PRKD1: variants seen among roughly 807,000 people sequenced by gnomAD.
PRKD1 encodes serine/threonine-protein kinase D1.
Under a neutral mutation model 95.9 loss-of-function variants are expected in PRKD1, and 63 were observed. That is an observed-to-expected ratio of 0.66 (90% CI 0.54 to 0.81). The LOEUF (loss-of-function observed/expected upper bound fraction) is 0.81, where lower values mean the gene tolerates loss of function less well. Ranked by LOEUF, PRKD1 falls within the 30% of genes least tolerant of loss-of-function variation. The probability of loss-of-function intolerance (pLI) is 0.00; values close to 1 mark genes in which losing one functional copy is unlikely to be tolerated. For missense variants in PRKD1, 1,048 were observed against 1,165.3 expected, an observed-to-expected ratio of 0.90 and a Z score of 1.47; for synonymous variants, 425 against 423.1, an observed-to-expected ratio of 1.00 and a Z score of -0.05.
chr14:29,669,271 A>T (rs977590976), intron 2 of PRKD1, among the ~76,000 whole-genome samples: 1 of 152,204 alleles, frequency 6.6e-6, no homozygotes, highest in East Asian at 1.9e-4. Flanking sequence ...CAAACAAATT[A>T]AGGAAAAGTC....
chr14:29,662,849 T>C (rs569875890), intron 4 of PRKD1, among the ~76,000 whole-genome samples: 257 of 151,862 alleles, frequency 1.7e-3, no homozygotes, highest in African/African-American at 5.8e-3. Flanking sequence ...TAAAGCATCA[T>C]TGTAATATCC....
intron 2 of PRKD1, among the ~76,000 whole-genome samples, chr14:29,691,933 A>G (rs1884261111): frequency 6.6e-6 from 1 of 152,192 alleles, no homozygotes; most frequent in South Asian, 2.1e-4. Context: ...CCCTCCCACC[A>G]ACTACTTTAG....
intron 1 of PRKD1, among the ~76,000 whole-genome samples, chr14:29,869,999 T>C (rs1048785620): frequency 1.3e-5 from 2 of 152,180 alleles, no homozygotes; most frequent in African/African-American, 4.8e-5. Flanking sequence ...TCCTTCAATA[T>C]GGTTAACTTA....
intron 1 of PRKD1, among the ~76,000 whole-genome samples, chr14:29,882,911 A>G (rs576748064): frequency 1.3e-5 from 2 of 152,266 alleles, no homozygotes; most frequent in South Asian, 4.1e-4. Flanking sequence ...CCATTCGTCC[A>G]TCAATGGAAC....
chr14:29,736,276 T>G lies in PRKD1; in HGVS notation c.265-10602A>C, dbSNP rs752645110. Among the ~76,000 whole-genome samples, 51 of 152,294 alleles carry G rather than the reference T, an allele frequency of 3.3e-4. 1 individual carries two copies. Among genetic ancestry groups the G allele is most frequent in the Middle Eastern group, 6.8e-3 (2 of 294 alleles). On this transcript the variant is annotated intron_variant, in intron 1 of 17. Transcript: ENST00000331968. ...TGGTCTTCAACTGCTAAGAGAAAAA[T>G]CCGTTTTATTGAACATAACATTCTG...
Position 29,689,070 on chromosome 14 carries a change from A to C in PRKD1, c.404-22862T>G, listed in dbSNP as rs145486185. On this transcript the variant is annotated intron_variant, in intron 2 of 17. Transcript: ENST00000331968. Reference sequence around the variant, plus strand: ...AGGCACAGGCAAAGATTTTACAATGAAAATGCCAAAAGCAATTGCAACAAA... The same window carrying C: ...AGGCACAGGCAAAGATTTTACAATGCAAATGCCAAAAGCAATTGCAACAAA... 5.9e-5 allele frequency among the ~76,000 whole-genome samples: 9 copies of C among 152,124 alleles called. No homozygotes were observed. The East Asian group carries it at 1.7e-3, about 29-fold the overall frequency.
At chr14:29,860,415 C>G (rs1892667495) in intron 1 of PRKD1, among the ~76,000 whole-genome samples, 1 of 152,112 alleles carries the variant, frequency 6.6e-6, no homozygotes, top group Non-Finnish European at 1.5e-5. Flanking sequence ...TGATATATCT[C>G]CTAATGGTAA....
chr14:29,839,617 C>T (rs566278150), intron 1 of PRKD1, among the ~76,000 whole-genome samples: 4 of 152,202 alleles, frequency 2.6e-5, no homozygotes, highest in Non-Finnish European at 5.9e-5. Context: ...CCATACAGCA[C>T]TAGCAGAGGT....
intron 2 of PRKD1, among the ~76,000 whole-genome samples, chr14:29,721,399 T>C (rs1376375586): frequency 7.2e-5 from 11 of 152,256 alleles, no homozygotes; most frequent in Admixed American, 1.3e-4. Context: ...TGAGGAATTC[T>C]TGTAGTCCTT....
chr14:29,896,579 C>T (rs1032815518), intron 1 of PRKD1, among the ~76,000 whole-genome samples: 1 of 152,002 alleles, frequency 6.6e-6, no homozygotes, highest in African/African-American at 2.4e-5. Context: ...TAAAGCTGGG[C>T]AAACACAATT....
At chr14:29,890,938 A>G (rs1387163000) in intron 1 of PRKD1, among the ~76,000 whole-genome samples, 2 of 151,914 alleles carry the variant, frequency 1.3e-5, no homozygotes, top group African/African-American at 4.8e-5. Context: ...TCTATCACCA[A>G]GGTCACAGTT....
In PRKD1 at chr14:29,577,427, C is replaced by T. The variant is rs1451931395; in HGVS notation, c.2550G>A (p.Glu850=). 4 of 1,613,770 alleles carry T rather than the reference C, an allele frequency of 2.5e-6. No homozygotes were observed. The highest frequency in any genetic ancestry group is 2.2e-5 in the South Asian group (2 of 91,078). Residue 850 remains glutamate (E), a synonymous_variant, in exon 18 of 18, where the codon GAG becomes GAA. Transcript: ENST00000331968. ...QDYQTWLDLR[E]LECKIGERYI... is the part of the protein sequence containing the mutation. ...AGCGCTCCCCGATTTTGCATTCCAG[C>T]TCTCGCAAATCTAACCAGGTCTGAT...
At position 29,783,527 on chromosome 14, in the gene PRKD1, G is replaced by A. The variant is rs1889139938; in HGVS notation, c.265-57853C>T. ...TACATACCCAGTAGTGGGATTGCTG[G>A]ATTATATATATATGGTGGTTCCATT... On this transcript the variant is annotated intron_variant, in intron 1 of 17. Transcript: ENST00000331968. 2.0e-5 allele frequency among the ~76,000 whole-genome samples: 3 copies of A among 152,248 alleles called. No homozygotes were observed. The South Asian group carries it at 6.2e-4, about 32-fold the overall frequency.
At chr14:29,647,387 C>T (rs1881193392) in intron 4 of PRKD1, among the ~76,000 whole-genome samples, 1 of 152,162 alleles carries the variant, frequency 6.6e-6, no homozygotes, top group African/African-American at 2.4e-5. Context: ...AAAATTGTTG[C>T]AAATTACATG....
intron 4 of PRKD1, chr14:29,652,816 C>G (rs1315225620): frequency 6.6e-6 from 1 of 152,148 alleles, no homozygotes; most frequent in Non-Finnish European, 1.5e-5. Flanking sequence ...TAGACTTTTG[C>G]TGCATTGAAA....
intron 2 of PRKD1, among the ~76,000 whole-genome samples, chr14:29,695,373 T>C (rs897012340): frequency 5.3e-5 from 8 of 152,072 alleles, no homozygotes; most frequent in African/African-American, 1.9e-4. Flanking sequence ...TCAGGAGAAA[T>C]GTGCTTGATG....
intron 4 of PRKD1, among the ~76,000 whole-genome samples, chr14:29,642,197 C>G (rs1341467367): frequency 6.6e-6 from 1 of 152,066 alleles, no homozygotes; most frequent in East Asian, 1.9e-4. Context: ...AGCCACTGCG[C>G]CTGGCCGGCA....
chr14:29,675,058 G>A (rs559950617), intron 2 of PRKD1, among the ~76,000 whole-genome samples: 248 of 152,284 alleles, frequency 1.6e-3, no homozygotes, highest in Admixed American at 4.2e-3. Context: ...AGCGCTGTTG[G>A]CCAAGGAACC....
At chr14:29,886,050 A>G (rs1211733837) in intron 1 of PRKD1, among the ~76,000 whole-genome samples, 2 of 152,166 alleles carry the variant, frequency 1.3e-5, no homozygotes, top group African/African-American at 2.4e-5. Context: ...CTATAAGAAA[A>G]TACTCTCCGG....
Sources: gnomAD v4.1 joint callset for allele counts (sites outside exome capture counted in the v4.1 genomes callset) on GRCh38, gnomAD v4.1.1 for gene constraint, MANE v1.5 for transcripts, NCBI Gene and HGNC (gene_info 2026-07-23, HGNC 2026-07-21) for gene names.